The following XDH variants were observed in gnomAD, a reference collection of about 807,000 sequenced individuals.
The protein encoded by XDH is xanthine dehydrogenase, also known as xanthine dehydrogenase/oxidase.
Under a neutral mutation model 156.1 loss-of-function variants are expected in XDH, and 138 were observed. The ratio of observed to expected loss-of-function variants is 0.88; its 90% CI spans 0.77 to 1.02. The LOEUF is 1.02. Among genes scored for constraint, XDH ranks in the 50% least tolerant of loss-of-function variants. The probability of loss-of-function intolerance (pLI) is 0.00; values close to 1 mark genes in which losing one functional copy is unlikely to be tolerated. For missense variants in XDH, 1,849 were observed against 1,684.9 expected (o/e 1.10, Z -1.71); for synonymous variants, 669 against 625.7 (o/e 1.07, Z -1.03).
rs748403042 is a variant in XDH, at chr2:31,366,895, G to C, written c.2297C>G (p.Ser766Cys). 1 of 1,614,212 alleles carries C rather than the reference G, an allele frequency of 6.2e-7. No individual in the cohort carries two copies. The highest frequency in any genetic ancestry group is 8.5e-7 in the Non-Finnish European group (1 of 1,180,044). Residue 766 changes from serine to cysteine, a missense_variant, in exon 21 of 36, where the codon TCT becomes TGT. Coordinates refer to ENST00000379416, the MANE Select transcript of XDH (RefSeq NM_000379.4). ...GEAGEMELFVSTQNTMKTQSF... is the reference protein window; with the variant it reads ...GEAGEMELFVCTQNTMKTQSF... ...CTGGGTCTTCATGGTGTTCTGTGTA[G>C]ACACAAAGAGCTCCATCTCCCCTGC...
rs1687166856 is a variant in XDH at position 31,405,397 on chromosome 2, GTCCC to G, written c.100+506_100+509del. On this transcript the variant is annotated intron_variant, in intron 2 of 35. Coordinates refer to ENST00000379416, the MANE Select transcript of XDH (RefSeq NM_000379.4). ...AGCAGCACCCCAGTCTTTCTAAGGAGTCCCCCCACCCTCCAGGGCTCCCTGTTTG... is the reference window on the plus strand; with the variant it reads ...AGCAGCACCCCAGTCTTTCTAAGGAGCCCACCCTCCAGGGCTCCCTGTTTG... Among the ~76,000 whole-genome samples, 5 of 152,084 alleles carry G rather than the reference GTCCC, an allele frequency of 3.3e-5. No homozygotes were observed. The South Asian group carries it at 1.0e-3, about 32-fold the overall frequency.
intron 2 of XDH, among the ~76,000 whole-genome samples, chr2:31,405,382 C>A (rs1558317383): frequency 6.6e-6 from 1 of 152,124 alleles, no homozygotes; most frequent in Non-Finnish European, 1.5e-5. Flanking sequence ...AGCAGCACCC[C>A]AGTCTTTCTA....
rs1054133225 is a variant in XDH at position 31,350,084 on chromosome 2, G to A, written c.2771C>T (p.Ala924Val). 1 of 1,614,116 alleles carries A rather than the reference G, an allele frequency of 6.2e-7. No homozygotes were observed. The highest frequency in any genetic ancestry group is 8.5e-7 in the Non-Finnish European group (1 of 1,180,054). ...TGCAACTTCACTCATCCAGCACTCG[G>A]CAATGAGCATCCCCTGGGGCCCCCC... ...GFGGPQGMLI[A>V]ECWMSEVAVT... The change falls in exon 25 of 36, where the codon GCC becomes GTC. Residue 924 changes from alanine (A) to valine (V), a missense_variant. Ala to Val is a moderately conservative substitution (Grantham distance 64, BLOSUM62 0). Transcript: ENST00000379416.
At chr2:31,401,379 G>A in intron 3 of XDH, 51 bp from the exon 4 acceptor site, 11 of 1,589,016 alleles carry the variant, frequency 6.9e-6, no homozygotes, top group Non-Finnish European at 9.5e-6. Context: ...CAGATCATCA[G>A]AATGGGCCTG....
rs1464944452 is a variant in XDH at position 31,349,807 on chromosome 2, C to G, written c.2848G>C (p.Glu950Gln). The G allele has an allele frequency of 1.2e-6, 2 of 1,614,144 alleles. No individual in the cohort carries two copies. The highest frequency in any genetic ancestry group is 1.7e-5 in the Admixed American group (1 of 60,024). Residue 950 changes from glutamate (E) to glutamine (Q), a missense_variant, in exon 26 of 36, where the codon GAA becomes CAA. By Grantham distance (29) the Glu-to-Gln change is conservative. Coordinates refer to ENST00000379416, the MANE Select transcript of XDH (RefSeq NM_000379.4). The stretch of plus-strand genomic sequence containing the variant: ...TGGTTGAAGTGTGTCAGGTCCCCTT[C>G]TTTGTACAGGTTTTTTCTCCGCACC... The part of the protein sequence containing the change: ...EEVRRKNLYK[E>Q]GDLTHFNQKL...
rs749731322 is a variant in XDH, at chr2:31,335,972, A to T, written c.3988T>A (p.Ser1330Thr). 37 of 1,614,204 alleles carry T rather than the reference A, an allele frequency of 2.3e-5. 1 individual carries two copies. In the South Asian group the frequency reaches 3.7e-4, roughly 16 times the overall value. Residue 1330 changes from serine (S) to threonine (T), a missense_variant, in exon 36 of 36, where the codon TCT (serine) becomes ACT (threonine). Transcript: ENST00000379416. ...TGVPENCKPWSVRV is the reference protein window; with the variant it reads ...TGVPENCKPWTVRV ...GGACTCTCTCTTTAGACCCTCACAG[A>T]CCAGGGTTTGCAGTTTTCTGGGACA...
chr2:31,364,646 A>T (rs1175346016), intron 23 of XDH, among the ~76,000 whole-genome samples: 4 of 152,200 alleles, frequency 2.6e-5, no homozygotes, highest in Non-Finnish European at 5.9e-5. Flanking sequence ...CAGAAGACAC[A>T]AAAAGTTTCA....
At chr2:31,376,910 A>G in intron 14 of XDH, 143 bp downstream of exon 14, 2 of 1,053,742 alleles carry the variant, frequency 1.9e-6, no homozygotes, top group Non-Finnish European at 1.4e-6. Flanking sequence ...AAGTGGTAGC[A>G]GTAGTAGCAG....
Position 31,339,551 on chromosome 2 carries a change from T to C in XDH, c.3712A>G (p.Ile1238Val), listed in dbSNP as rs375290824. ...CGGAGCAGGGACACCCTGAACTCAA[T>C]GGGGATGCTGCCAAATGCCGGGATC... ...YKIPAFGSIP[I>V]EFRVSLLRDC... The change falls in exon 34 of 36, where the codon ATT becomes GTT. Residue 1238 changes from isoleucine (I) to valine (V), a missense_variant. Coordinates refer to ENST00000379416, the MANE Select transcript of XDH (RefSeq NM_000379.4). The C allele has an allele frequency of 8.7e-6, 14 of 1,614,034 alleles. No homozygotes were observed. Among genetic ancestry groups the C allele is most frequent in the Non-Finnish European group, 1.2e-5 (14 of 1,180,040 alleles).
At position 31,361,598 on chromosome 2, in the gene XDH, G is replaced by A. The variant is rs35759405; in HGVS notation, c.2631+2560C>T. ...CTCTCTATCCCAAGCACCAATAATG[G>A]AGGCTAAGCAATTATACCTACAAAT... On this transcript the variant is annotated intron_variant, in intron 24 of 35. Coordinates refer to ENST00000379416, the MANE Select transcript of XDH (RefSeq NM_000379.4). Among the ~76,000 whole-genome samples, 794 of 152,226 alleles carry A rather than the reference G, an allele frequency of 5.2e-3. 3 individuals carry two copies. The highest frequency in any genetic ancestry group is 8.2e-3 in the Admixed American group (126 of 15,290).
At chr2:31,397,962 G>C (rs903006112) in intron 5 of XDH, among the ~76,000 whole-genome samples, 2 of 152,162 alleles carry the variant, frequency 1.3e-5, no homozygotes, top group African/African-American at 4.8e-5. Context: ...ACTGAGTCAG[G>C]TACCTCTCCT....
At chr2:31,356,895 G>A (rs976289405) in intron 24 of XDH, among the ~76,000 whole-genome samples, 1 of 151,966 alleles carries the variant, frequency 6.6e-6, no homozygotes, top group Non-Finnish European at 1.5e-5. Flanking sequence ...CAACTAAAAC[G>A]GAATGAAACT....
At chr2:31,368,783 G>T in intron 18 of XDH, 123 bp from the exon 19 acceptor site, 2 of 1,555,464 alleles carry the variant, frequency 1.3e-6, no homozygotes, top group Non-Finnish European at 1.7e-6. Context: ...CTTTAGGAAT[G>T]CCCTAGGGCC....
chr2:31,410,189 G>T (rs757317140), intron 1 of XDH, among the ~76,000 whole-genome samples: 1 of 152,146 alleles, frequency 6.6e-6, no homozygotes, highest in Non-Finnish European at 1.5e-5. Context: ...CATAGAGACA[G>T]AAAAAATGAT....
In XDH at chr2:31,388,127, C is replaced by T; in HGVS notation, c.564+100G>A. Reference sequence around the variant, plus strand: ...TGCCATCACCGACTCACCGTAGGTTCCTCTTCCAGCCCCCACCGCCAGGGA... The same window carrying T: ...TGCCATCACCGACTCACCGTAGGTTTCTCTTCCAGCCCCCACCGCCAGGGA... On this transcript the variant is annotated intron_variant, in intron 7 of 35. Coordinates refer to ENST00000379416, the MANE Select transcript of XDH (RefSeq NM_000379.4). 4 of 1,375,612 alleles carry T rather than the reference C, an allele frequency of 2.9e-6. No homozygotes were observed. In the Admixed American group the frequency reaches 6.9e-5, roughly 24 times the overall value. The allele number at this position is 1,375,612 out of a possible 1,614,324, so 85.2% of individuals were successfully genotyped here.
chr2:31,371,403 G>A (rs1464268873), intron 17 of XDH, among the ~76,000 whole-genome samples: 2 of 152,190 alleles, frequency 1.3e-5, no homozygotes, highest in African/African-American at 4.8e-5. Flanking sequence ...CAGTGTGACT[G>A]GGATTATTGG....
chr2:31,403,519 A>G (rs1429372), intron 2 of XDH, among the ~76,000 whole-genome samples: 66,377 of 151,762 alleles, frequency 0.44, 14,734 homozygotes, highest in African/African-American at 0.46. Flanking sequence ...TTCTCACATC[A>G]CTCCCAGCTG....
intron 28 of XDH, 46 bp from the exon 29 acceptor site, chr2:31,347,696 G>C (rs41280623): frequency 1.4e-4 from 222 of 1,595,878 alleles, no homozygotes; most frequent in Admixed American, 2.0e-4. Context: ...GGTTATCATG[G>C]GGCTTGGCTG....
At chr2:31,402,927 A>G (rs1253976045) in intron 3 of XDH, 121 bp downstream of exon 3, 1 of 1,082,108 alleles carries the variant, frequency 9.2e-7, no homozygotes, top group Non-Finnish European at 1.4e-6. Context: ...CAGATTCTCC[A>G]TAAAAACAGG....
Sources: gnomAD v4.1 joint callset for allele counts (sites outside exome capture counted in the v4.1 genomes callset) on GRCh38, gnomAD v4.1.1 for gene constraint, MANE v1.5 for transcripts, NCBI Gene and HGNC (gene_info 2026-07-23, HGNC 2026-07-21) for gene names.